MEP1A: variants seen among roughly 807,000 people sequenced by gnomAD.
MEP1A encodes the protein N-benzoyl-L-tyrosyl-P-amino-benzoic acid hydrolase subunit alpha.
MEP1A carries 68 observed loss-of-function variants against 84.5 expected under a neutral mutation model. That is an observed-to-expected ratio of 0.80 (90% CI 0.66 to 0.98). The LOEUF is 0.98. MEP1A is among the 50% of genes least tolerant of loss of function. MEP1A has a pLI of 0.00. For missense variants in MEP1A, 887 were observed against 919.9 expected, an observed-to-expected ratio of 0.96 and a Z score of 0.46; for synonymous variants, 337 against 336.8, an observed-to-expected ratio of 1.00 and a Z score of -0.01.
At chr6:46,843,986 T>C (rs1327255398), downstream of MEP1A, among the ~76,000 whole-genome samples, 1 of 152,224 alleles carries the variant, frequency 6.6e-6, no homozygotes, top group African/African-American at 2.4e-5. Flanking sequence ...GGCTAATCTA[T>C]ATGGAACACT....
At chr6:46,813,426 A>G (rs927278172) in intron 6 of MEP1A, among the ~76,000 whole-genome samples, 1 of 152,148 alleles carries the variant, frequency 6.6e-6, no homozygotes, top group Admixed American at 6.6e-5. Context: ...AAATGCCTAC[A>G]TCAAAAGTCT....
chr6:46,832,937 C>T (rs1480783824), intron 10 of MEP1A, 137 bp from the exon 11 acceptor site: 1 of 542,358 alleles, frequency 1.8e-6, no homozygotes, highest in Non-Finnish European at 3.3e-6. Flanking sequence ...CAGTTTATAA[C>T]AGTACCTATT....
intron 6 of MEP1A, among the ~76,000 whole-genome samples, chr6:46,813,643 G>A (rs1400823954): frequency 2.0e-5 from 3 of 151,960 alleles, no homozygotes; most frequent in Non-Finnish European, 4.4e-5. Flanking sequence ...TGTTATATAG[G>A]TTCTGTAAGA....
chr6:46,831,847 G>A lies in MEP1A; in HGVS notation c.1145-1227G>A, dbSNP rs1456230822. ...CACTAGGCTGCCATGCTCTCCGCAG[G>A]AGAGGGCAGCTGCCTAGATTTGTAT... On this transcript the variant is annotated intron_variant, in intron 10 of 13. Transcript: ENST00000230588. 6.6e-5 allele frequency among the ~76,000 whole-genome samples: 10 copies of A among 152,300 alleles called. No homozygotes were observed. The South Asian group carries it at 8.3e-4, about 13-fold the overall frequency.
At chr6:46,814,149 C>T (rs1767573523) in intron 6 of MEP1A, among the ~76,000 whole-genome samples, 1 of 152,116 alleles carries the variant, frequency 6.6e-6, no homozygotes, top group African/African-American at 2.4e-5. Context: ...ATACGTTTTC[C>T]AAATATTTGG....
chr6:46,803,546 G>A (rs979421801), intron 5 of MEP1A, among the ~76,000 whole-genome samples: 2 of 151,088 alleles, frequency 1.3e-5, no homozygotes, highest in African/African-American at 4.8e-5. Context: ...CTTTTGATTT[G>A]TTAATTTTCT....
At chr6:46,804,878 T>C (rs1009085064) in intron 5 of MEP1A, among the ~76,000 whole-genome samples, 5 of 151,356 alleles carry the variant, frequency 3.3e-5, no homozygotes, top group African/African-American at 1.2e-4. Flanking sequence ...ATTTTTTCTT[T>C]TTTCTTCATA....
At chr6:46,814,242 T>TA (rs1283462275) in intron 6 of MEP1A, among the ~76,000 whole-genome samples, 3 of 152,158 alleles carry the variant, frequency 2.0e-5, no homozygotes, top group African/African-American at 4.8e-5. Context: ...TTTGTTCATT[T>TA]AAAAAATTTT....
At chr6:46,843,311 C>G (rs1768364598), downstream of MEP1A, among the ~76,000 whole-genome samples, 4 of 152,182 alleles carry the variant, frequency 2.6e-5, no homozygotes, top group South Asian at 8.3e-4. Context: ...AATCACTGCT[C>G]TAGTTGGATC....
At chr6:46,813,256 TTAAA>T (rs1767548515) in intron 6 of MEP1A, among the ~76,000 whole-genome samples, 1 of 152,142 alleles carries the variant, frequency 6.6e-6, no homozygotes, top group Non-Finnish European at 1.5e-5. Flanking sequence ...TACGTGGAAA[TTAAA>T]TAACCTGCTG....
At chr6:46,800,808 C>A (rs1767183441) in intron 5 of MEP1A, among the ~76,000 whole-genome samples, 1 of 152,136 alleles carries the variant, frequency 6.6e-6, no homozygotes, top group Non-Finnish European at 1.5e-5. Context: ...CAGTTCCCAT[C>A]CCCACTCCTT....
chr6:46,833,209 C>G lies in MEP1A; in HGVS notation c.1280C>G (p.Thr427Arg). 2 of 1,612,844 alleles carry G rather than the reference C, an allele frequency of 1.2e-6. No homozygotes were observed. The highest frequency in any genetic ancestry group is 1.7e-6 in the Non-Finnish European group (2 of 1,179,356). ...GGIYLDDITL[T>R]ETPCPTGVWT... is the part of the protein sequence containing the mutation. ...ATTTACCTAGATGACATCACTCTGACAGAAACCCCCTGCCCCACAGGGGTC... is the reference window on the plus strand; with the variant it reads ...ATTTACCTAGATGACATCACTCTGAGAGAAACCCCCTGCCCCACAGGGGTC... Residue 427 changes from threonine to arginine, a missense_variant, in exon 11 of 14, where the codon ACA (threonine) becomes AGA (arginine). By Grantham distance (71) the Thr-to-Arg change is moderately conservative (BLOSUM62 -1). Coordinates refer to ENST00000230588, the MANE Select transcript of MEP1A (RefSeq NM_005588.3).
At chr6:46,803,636 A>G (rs949899158) in intron 5 of MEP1A, among the ~76,000 whole-genome samples, 1 of 150,994 alleles carries the variant, frequency 6.6e-6, no homozygotes, top group Non-Finnish European at 1.5e-5. Context: ...GGTTTAGTTT[A>G]CTCTTCTTTT....
At chr6:46,825,004 A>AAATATTTATAAATTATATATTTAAAT (rs1562113917) in intron 7 of MEP1A, among the ~76,000 whole-genome samples, 11 of 68,428 alleles carry the variant, frequency 1.6e-4, no homozygotes, top group Admixed American at 2.9e-4. Flanking sequence ...AGATCTATTT[A>AAATATTTATAAATTATATATTTAAAT]AGTATATATA....
At chr6:46,844,111 T>C (rs1462757061), downstream of MEP1A, among the ~76,000 whole-genome samples, 1 of 152,252 alleles carries the variant, frequency 6.6e-6, no homozygotes, top group Non-Finnish European at 1.5e-5. Flanking sequence ...ATCTTTCTTA[T>C]GTCAGTTTTA....
chr6:46,824,850 TA>T (rs1187214325), intron 7 of MEP1A, among the ~76,000 whole-genome samples: 2 of 76,678 alleles, frequency 2.6e-5, no homozygotes, highest in Admixed American at 1.6e-4. Context: ...AAATTATATA[TA>T]TAAATTATAT....
At chr6:46,825,113 T>G (rs964783996) in intron 7 of MEP1A, among the ~76,000 whole-genome samples, 159 bp from the exon 8 acceptor site, 5 of 143,734 alleles carry the variant, frequency 3.5e-5, no homozygotes, top group African/African-American at 1.0e-4. Context: ...ATAAATCTAT[T>G]TAAATATTTA....
At chr6:46,797,696 C>A (rs181823876) in intron 3 of MEP1A, among the ~76,000 whole-genome samples, 6 of 152,296 alleles carry the variant, frequency 3.9e-5, no homozygotes, top group Non-Finnish European at 8.8e-5. Flanking sequence ...CACTTGGCCA[C>A]TTGATTACAT....
At chr6:46,794,166 G>C (rs938672682) in intron 3 of MEP1A, among the ~76,000 whole-genome samples, 2 of 152,096 alleles carry the variant, frequency 1.3e-5, no homozygotes, top group African/African-American at 2.4e-5. Flanking sequence ...TCTCCACTTA[G>C]ACATCTCATT....
Sources: allele counts gnomAD v4.1 joint callset (sites outside exome capture counted in the v4.1 genomes callset), GRCh38; gene constraint gnomAD v4.1.1; transcripts MANE v1.5; gene names NCBI Gene and HGNC (gene_info 2026-07-23, HGNC 2026-07-21).